KIF19: variants seen among roughly 807,000 people sequenced by gnomAD.
KIF19 encodes the protein kinesin-like protein KIF19.
A neutral mutation model predicts 106.6 loss-of-function variants in KIF19; 98 were observed. The observed-to-expected ratio is 0.92, with a 90% CI of 0.78 to 1.09. The LOEUF (loss-of-function observed/expected upper bound fraction) is 1.09. Ranked by LOEUF, KIF19 falls within the 50% of genes least tolerant of loss-of-function variation. The probability of loss-of-function intolerance (pLI) is 0.00; values close to 1 mark genes in which losing one functional copy is unlikely to be tolerated. For synonymous variants in KIF19, 516 were observed against 584.2 expected (o/e 0.88, Z 1.68); for missense variants, 1,373 against 1,414.3 (o/e 0.97, Z 0.47).
chr17:74,351,184 A>G, intron 12 of KIF19: 1 of 469,190 alleles, frequency 2.1e-6, no homozygotes. Context: ...AACTAATGTT[A>G]TAATTAGGGT....
At chr17:74,330,444 G>A (rs1194923246) in intron 2 of KIF19, among the ~76,000 whole-genome samples, 1 of 152,198 alleles carries the variant, frequency 6.6e-6, no homozygotes, top group Non-Finnish European at 1.5e-5. Flanking sequence ...CAGGGCTGCT[G>A]GGTTGGCTCA....
chr17:74,332,510 C>G (rs149336859), intron 2 of KIF19, among the ~76,000 whole-genome samples: 1 of 152,250 alleles, frequency 6.6e-6, no homozygotes, highest in Non-Finnish European at 1.5e-5. Flanking sequence ...TCCTAGCTCT[C>G]CCAGGCTGTT....
At chr17:74,339,517 C>T (rs2054302098) in intron 2 of KIF19, among the ~76,000 whole-genome samples, 1 of 151,088 alleles carries the variant, frequency 6.6e-6, no homozygotes. Context: ...CGCCCCCTTC[C>T]CTCCCACTGA....
At chr17:74,328,729 TGGG>T (rs2053987270) in intron 2 of KIF19, 1 of 497,036 alleles carries the variant, frequency 2.0e-6, no homozygotes, top group African/African-American at 2.0e-5. Context: ...TTCCCTAGCC[TGGG>T]TGGGCCCTGA....
At chr17:74,341,247 G>A (rs1271993828) in intron 2 of KIF19, among the ~76,000 whole-genome samples, 1 of 151,538 alleles carries the variant, frequency 6.6e-6, no homozygotes, top group African/African-American at 2.4e-5. Context: ...GAACCCAGGA[G>A]GTGGAGGTTG....
Position 74,346,475 on chromosome 17 carries a change from G to A in KIF19, c.875G>A (p.Ser292Asn). ...ATCAACGCCCTGAGCGACAAGGGTA[G>A]CAACAAGTACATCAACTATCGCGAC... The part of the protein sequence containing the change: ...NCINALSDKG[S>N]NKYINYRDSK... The change falls in exon 8 of 20, where the codon AGC becomes AAC. Residue 292 changes from serine to asparagine, a missense_variant. Physicochemically the swap from Ser to Asn is conservative, Grantham distance 46. This residue lies in a region of KIF19 where 1,020 missense variants were observed against 1,008.2 expected (regional missense o/e 1.01). Coordinates refer to ENST00000389916, the MANE Select transcript of KIF19 (RefSeq NM_153209.4). The surrounding 1 kb of genome is among the most constrained non-coding windows in gnomAD (Gnocchi z 4.6). 2 of 1,553,376 alleles carry A rather than the reference G, an allele frequency of 1.3e-6. No homozygotes were observed. Among genetic ancestry groups the A allele is most frequent in the Non-Finnish European group, 8.7e-7 (1 of 1,148,188 alleles).
chr17:74,328,435 G>T lies in KIF19; in HGVS notation c.50G>T (p.Arg17Leu), dbSNP rs370793314. The T allele has an allele frequency of 6.2e-7, 1 of 1,608,898 alleles. No individual in the cohort carries two copies. Among genetic ancestry groups the T allele is most frequent in the South Asian group, 1.1e-5 (1 of 89,518 alleles). ...SKDQQLMVAL[R>L]VRPISVAELE... ...GGTTTTCCCTCCCAGGTGGCGCTTC[G>T]GGTCCGGCCCATCAGCGTGGCAGAG... The change falls in exon 2 of 20, where the codon CGG (arginine) becomes CTG (leucine). Residue 17 changes from arginine (R) to leucine (L), a missense_variant. Physicochemically the swap from Arg to Leu is moderately radical, Grantham distance 102. Around this residue, in one of 3 missense-constraint regions of KIF19, gnomAD observed 348 missense variants for 389.5 expected, o/e 0.89. Transcript: ENST00000389916.
At chr17:74,354,665 C>T (rs965958624) in intron 18 of KIF19, 106 bp downstream of exon 18, 20 of 1,516,478 alleles carry the variant, frequency 1.3e-5, no homozygotes, top group African/African-American at 2.8e-5. Flanking sequence ...CTACCCCATA[C>T]CTGGAGGCAC....
rs1260706220 is a variant in KIF19 at position 74,350,817 on chromosome 17, C to A, written c.1499C>A (p.Pro500Gln). 1 of 1,614,026 alleles carries A rather than the reference C, an allele frequency of 6.2e-7. No individual in the cohort carries two copies. Among genetic ancestry groups the A allele is most frequent in the South Asian group, 1.1e-5 (1 of 91,082 alleles). Residue 500 changes from proline to glutamine, a missense_variant, in exon 12 of 20, where the codon CCA becomes CAA. Coordinates refer to ENST00000389916, the MANE Select transcript of KIF19 (RefSeq NM_153209.4). ...GACTCAGACACAGGTGATGACCAAC[C>A]AGACATCCTGGAGCCACCCGAGGTG... ...EKDSDTGDDQ[P>Q]DILEPPEVAA...
chr17:74,328,164 G>A (rs138468147), intron 1 of KIF19, among the ~76,000 whole-genome samples: 3 of 152,306 alleles, frequency 2.0e-5, no homozygotes, highest in African/African-American at 7.2e-5. Flanking sequence ...TTGGGCGTGA[G>A]GCTGAGGCAG....
rs535904244 is a variant in KIF19, at chr17:74,350,466, G to A, written c.1279G>A (p.Ala427Thr). 1.8e-4 allele frequency: 285 copies of A among 1,610,490 alleles called. No individual in the cohort carries two copies. The highest frequency in any genetic ancestry group is 1.1e-3 in the East Asian group (48 of 44,788). Residue 427 changes from alanine (A) to threonine (T), a missense_variant, in exon 11 of 20, where the codon GCC (alanine) becomes ACC (threonine). This residue lies in a region of KIF19 where 1,020 missense variants were observed against 1,008.2 expected (regional missense o/e 1.01). Coordinates refer to ENST00000389916, the MANE Select transcript of KIF19 (RefSeq NM_153209.4). ...CATGGGACAGCTTCGGGAGCAGCTC[G>A]CCAGCGCCTTCCAGGAGCAGATGGA... ...AGMGQLREQL[A>T]SAFQEQMDVR...
At chr17:74,334,265 C>T (rs566314478) in intron 2 of KIF19, among the ~76,000 whole-genome samples, 10 of 152,236 alleles carry the variant, frequency 6.6e-5, no homozygotes, top group African/African-American at 2.2e-4. Flanking sequence ...TGCAAGGATC[C>T]TTACACTCAG....
intron 12 of KIF19, 86 bp from the exon 13 acceptor site, chr17:74,351,781 C>T (rs1171007755): frequency 7.5e-7 from 1 of 1,337,028 alleles, no homozygotes; most frequent in Non-Finnish European, 9.6e-7. Flanking sequence ...TGCCTGGAGT[C>T]CAGGCGCTGG....
At position 74,346,901 on chromosome 17, in the gene KIF19, T is replaced by G. The variant is rs2054546996; in HGVS notation, c.924+377T>G. 6.6e-6 allele frequency among the ~76,000 whole-genome samples: 1 copy of G among 152,128 alleles called. No homozygotes were observed. The highest frequency in any genetic ancestry group is 2.1e-4 in the South Asian group (1 of 4,824). On this transcript the variant is annotated intron_variant, in intron 8 of 19. Coordinates refer to ENST00000389916, the MANE Select transcript of KIF19 (RefSeq NM_153209.4). This position sits in a 1 kb window ranked among gnomAD's most constrained non-coding sequence, Gnocchi z 4.6. The stretch of plus-strand genomic sequence containing the variant: ...TCAGCTGTTTGGGGGTGGCCTCCTT[T>G]GTGCAGGGGTGTCCTTGGCCTTAAA...
At position 74,344,279 on chromosome 17, in the gene KIF19, G is replaced by T. The variant is rs771634577; in HGVS notation, c.513G>T (p.Leu171=). ...ACCCCTCCCTGGGCTACCTGGAGCT[G>T]CGGGAGGACTCTAAGGGGGTGATCC... ...LLNPSLGYLE[L]REDSKGVIQV... is the part of the protein sequence containing the mutation. Residue 171 remains leucine, a synonymous_variant, in exon 6 of 20, where the codon CTG becomes CTT. Coordinates refer to ENST00000389916, the MANE Select transcript of KIF19 (RefSeq NM_153209.4). The T allele has an allele frequency of 6.2e-7, 1 of 1,613,092 alleles. No homozygotes were observed. Among genetic ancestry groups the T allele is most frequent in the Non-Finnish European group, 8.5e-7 (1 of 1,179,776 alleles).
intron 18 of KIF19, 22 bp downstream of exon 18, chr17:74,354,581 G>A: frequency 1.9e-6 from 3 of 1,575,474 alleles, no homozygotes; most frequent in Non-Finnish European, 1.7e-6. Context: ...CGCAGGGGTG[G>A]GTGTCTAGGC....
chr17:74,328,400 C>G, intron 1 of KIF19, 25 bp from the exon 2 acceptor site: 1 of 1,591,406 alleles, frequency 6.3e-7, no homozygotes, highest in East Asian at 2.3e-5. Context: ...CCCTCTAATC[C>G]CAGGGGCTTG....
rs192475773 is a variant in KIF19, at chr17:74,329,877, C to T, written c.120+1372C>T. ...ACTGTACAATGCAGAGAAAGGCACA[C>T]GTGAGCACCTGATGGGCCTGGGCTC... is the stretch of plus-strand genomic sequence containing the variant. On this transcript the variant is annotated intron_variant, in intron 2 of 19. Coordinates refer to ENST00000389916, the MANE Select transcript of KIF19 (RefSeq NM_153209.4). 3.3e-5 allele frequency among the ~76,000 whole-genome samples: 5 copies of T among 152,310 alleles called. No homozygotes were observed. The East Asian group carries it at 7.7e-4, about 23-fold the overall frequency.
chr17:74,354,802 C>T lies in KIF19; in HGVS notation c.2727C>T (p.His909=), dbSNP rs2054831693. 5.1e-6 allele frequency: 8 copies of T among 1,558,848 alleles called. No homozygotes were observed. The highest frequency in any genetic ancestry group is 6.1e-6 in the Non-Finnish European group (7 of 1,151,506). ...CACAGCTCTCCCACCCCAAGACACA[C>T]CTCCTGGGGCCCCATCAGGCGGAGC... ...TGQGLSHPKT[H]LLGPHQAERI... Residue 909 remains histidine (H), a synonymous_variant, in exon 19 of 20, where the codon CAC becomes CAT. Transcript: ENST00000389916.
Sources: allele counts gnomAD v4.1 joint callset (sites outside exome capture counted in the v4.1 genomes callset), GRCh38; gene constraint gnomAD v4.1.1; regional missense constraint gnomAD v4.1.1; non-coding constraint Gnocchi (gnomAD v3.1); transcripts MANE v1.5; gene names NCBI Gene and HGNC (gene_info 2026-07-23, HGNC 2026-07-21).